Variants in RSAD2 observed in about 807,000 individuals in gnomAD.
The protein encoded by RSAD2 is S-adenosylmethionine-dependent nucleotide dehydratase RSAD2.
In RSAD2, 38 loss-of-function variants were observed where a neutral mutation model predicts 37.7. The ratio of observed to expected loss-of-function variants is 1.01; its 90% CI spans 0.78 to 1.32. RSAD2 has a LOEUF of 1.32. Among genes scored for constraint, RSAD2 ranks in the 40% most tolerant of loss-of-function variants. The pLI, the probability that RSAD2 is intolerant of heterozygous loss-of-function variation, is 0.00. For missense variants in RSAD2, 428 were observed against 437.5 expected, an observed-to-expected ratio of 0.98 and a Z score of 0.19; for synonymous variants, 163 against 157.4, an observed-to-expected ratio of 1.04 and a Z score of -0.27.
upstream of RSAD2, among the ~76,000 whole-genome samples, chr2:6,874,423 A>T (rs972925906): frequency 3.9e-5 from 6 of 152,194 alleles, no homozygotes; most frequent in Non-Finnish European, 8.8e-5. Flanking sequence ...TGCCACAAAA[A>T]TACCTAAATT....
In RSAD2 at chr2:6,897,993, T is replaced by TC. The variant is rs1379832380; in HGVS notation, c.*2052dup. On this transcript the variant is annotated 3_prime_UTR_variant, in exon 6 of 6. Transcript: ENST00000382040. ...CTGGATGACAGAGCAAGACTCCGTC[T>TC]CAAAAAAAAAAAAAAAAAAAAGCAA... The TC allele has an allele frequency of 1.4e-4, 9 of 63,410 alleles. No homozygotes were observed. Among genetic ancestry groups the TC allele is most frequent in the Non-Finnish European group, 2.7e-4 (9 of 32,758 alleles). The allele number at this position is 63,410 out of a possible 1,614,324, so 3.9% of individuals were successfully genotyped here.
intron 5 of RSAD2, among the ~76,000 whole-genome samples, chr2:6,894,220 C>G (rs1429117085): frequency 6.6e-6 from 1 of 152,188 alleles, no homozygotes; most frequent in East Asian, 1.9e-4. Flanking sequence ...TTCCTACCCC[C>G]ACTGCCTTCC....
intron 2 of RSAD2, among the ~76,000 whole-genome samples, chr2:6,885,483 A>G (rs1015357185): frequency 1.3e-5 from 2 of 152,160 alleles, no homozygotes; most frequent in Admixed American, 1.3e-4. Flanking sequence ...CACCTCACCA[A>G]TGATATATAG....
At chr2:6,868,199 G>GA (rs1396986851) in intron 1 of RSAD2, among the ~76,000 whole-genome samples, 3 of 150,826 alleles carry the variant, frequency 2.0e-5, no homozygotes, top group African/African-American at 7.3e-5. Context: ...CTGCTCCTAA[G>GA]AAAAAAAGAA....
In RSAD2 at chr2:6,896,583, T is replaced by C. The variant is rs1663780910; in HGVS notation, c.*641T>C. The C allele has an allele frequency of 6.6e-6, 1 of 151,810 alleles. No individual in the cohort carries two copies. The highest frequency in any genetic ancestry group is 1.9e-4 in the East Asian group (1 of 5,166). 9.4% of individuals were successfully genotyped at this position (151,810 alleles called of 1,614,324 possible). ...TGCAGTCTTGTACTTTTTACTGTGA[T>C]GTACAGAAATAGTCAACAGATGTTT... On this transcript the variant is annotated 3_prime_UTR_variant, in exon 6 of 6. Coordinates refer to ENST00000382040, the MANE Select transcript of RSAD2 (RefSeq NM_080657.5).
At chr2:6,875,481 T>C (rs1224073788), upstream of RSAD2, among the ~76,000 whole-genome samples, 1 of 152,180 alleles carries the variant, frequency 6.6e-6, no homozygotes, top group African/African-American at 2.4e-5. Context: ...TCTGAATTCA[T>C]CCAGATGGTT....
At chr2:6,870,063 A>T (rs982017048) in intron 1 of RSAD2, among the ~76,000 whole-genome samples, 2 of 152,214 alleles carry the variant, frequency 1.3e-5, no homozygotes, top group African/African-American at 4.8e-5. Context: ...ATTTGCATAA[A>T]TATACCTGAT....
rs916577943 is a variant in RSAD2, at chr2:6,890,334, A to G, written c.888+9A>G. On this transcript the variant is annotated intron_variant, in intron 4 of 5. Transcript: ENST00000382040. The stretch of plus-strand genomic sequence containing the variant: ...CTGAATCTAACCAGAAGGTTGTATA[A>G]AGCAAAAGTTGTTTTCTTTGTCATC... 5.6e-6 allele frequency: 9 copies of G among 1,613,168 alleles called. No homozygotes were observed. The highest frequency in any genetic ancestry group is 7.6e-6 in the Non-Finnish European group (9 of 1,179,556).
At chr2:6,883,347 A>C (rs774881818) in intron 1 of RSAD2, 24 bp from the exon 2 acceptor site, 14 of 1,606,874 alleles carry the variant, frequency 8.7e-6, no homozygotes, top group Non-Finnish European at 1.2e-5. Flanking sequence ...TGAAGTGGTA[A>C]AATTCATGTA....
At chr2:6,882,859 A>G (rs1159336043) in intron 1 of RSAD2, among the ~76,000 whole-genome samples, 5 of 152,208 alleles carry the variant, frequency 3.3e-5, no homozygotes, top group African/African-American at 1.2e-4. Flanking sequence ...TGGACAAACA[A>G]TTGATCACCA....
At chr2:6,889,154 T>C (rs1476015244) in intron 3 of RSAD2, among the ~76,000 whole-genome samples, 1 of 152,324 alleles carries the variant, frequency 6.6e-6, no homozygotes, top group East Asian at 1.9e-4. Flanking sequence ...CTGTATGTCT[T>C]CTTTGATAGT....
chr2:6,872,915 A>G (rs973615809), upstream of RSAD2, among the ~76,000 whole-genome samples: 11 of 152,304 alleles, frequency 7.2e-5, no homozygotes, highest in African/African-American at 2.6e-4. Flanking sequence ...TTAATTTGCA[A>G]ATCTGTTCCC....
intron 1 of RSAD2, chr2:6,866,451 T>G: frequency 1.0e-6 from 1 of 985,646 alleles, no homozygotes; most frequent in Non-Finnish European, 1.2e-6. Flanking sequence ...TCCCTCTTCT[T>G]GGAATTGCCC....
chr2:6,872,668 T>G (rs2595176), intron 1 of RSAD2, among the ~76,000 whole-genome samples: 143,548 of 152,252 alleles, frequency 0.94, 68,197 homozygotes, highest in East Asian at 1. Flanking sequence ...TCTAAGCATG[T>G]CATCAAAGGT....
At chr2:6,874,685 C>G (rs1192155989), upstream of RSAD2, among the ~76,000 whole-genome samples, 1 of 926 alleles carries the variant, frequency 1.1e-3, no homozygotes, top group Non-Finnish European at 0.013. Flanking sequence ...TGGTTCTACA[C>G]TTAAATTTTT....
At chr2:6,892,419 A>G (rs1164491225) in intron 4 of RSAD2, among the ~76,000 whole-genome samples, 6 of 152,178 alleles carry the variant, frequency 3.9e-5, no homozygotes, top group Non-Finnish European at 5.9e-5. Flanking sequence ...TTAATATGAC[A>G]TCAAAGAAAA....
chr2:6,895,248 G>T (rs545683415), intron 5 of RSAD2, among the ~76,000 whole-genome samples: 2 of 152,368 alleles, frequency 1.3e-5, no homozygotes, highest in Admixed American at 1.3e-4. Flanking sequence ...GCACCTGCCT[G>T]CCTCAGCAGC....
At chr2:6,886,902 T>G (rs755395575) in intron 2 of RSAD2, 33 bp from the exon 3 acceptor site, 2 of 1,548,672 alleles carry the variant, frequency 1.3e-6, no homozygotes, top group South Asian at 2.2e-5. Flanking sequence ...GGTCCTTGGA[T>G]AGAAAAGTTT....
Position 6,877,963 on chromosome 2 carries a change from G to A in RSAD2, c.163G>A (p.Gly55Arg). 6.2e-7 allele frequency: 1 copy of A among 1,614,156 alleles called. No individual in the cohort carries two copies. The highest frequency in any genetic ancestry group is 8.5e-7 in the Non-Finnish European group (1 of 1,180,022). Residue 55 changes from glycine to arginine, a missense_variant, in exon 1 of 6, where the codon GGG becomes AGG. By Grantham distance (125) the Gly-to-Arg change is moderately radical. Transcript: ENST00000382040. ...GAGAAAGCAGCAGCTGGTCCTGAGAGGGCCAGATGAGACCAAAGAGGAGGA... is the reference window on the plus strand; with the variant it reads ...GAGAAAGCAGCAGCTGGTCCTGAGAAGGCCAGATGAGACCAAAGAGGAGGA... ...KRRKQQLVLR[G>R]PDETKEEEED...
Sources: gnomAD v4.1 joint callset for allele counts (sites outside exome capture counted in the v4.1 genomes callset) on GRCh38, gnomAD v4.1.1 for gene constraint, MANE v1.5 for transcripts, NCBI Gene and HGNC (gene_info 2026-07-23, HGNC 2026-07-21) for gene names.